Variants in DGKE observed in about 807,000 individuals in gnomAD.
DGKE encodes the protein diacylglycerol kinase epsilon, also known as DAG kinase epsilon.
In DGKE, 53 loss-of-function variants were observed where a neutral mutation model predicts 70.0. That is an observed-to-expected ratio of 0.76 (90% CI 0.61 to 0.95). The LOEUF (loss-of-function observed/expected upper bound fraction) is 0.95, where lower values mean the gene tolerates loss of function less well. Among genes scored for constraint, DGKE ranks in the 40% least tolerant of loss-of-function variants. DGKE has a pLI of 0.00. For missense variants in DGKE, 655 were observed against 706.9 expected, an observed-to-expected ratio of 0.93 and a Z score of 0.83; for synonymous variants, 291 against 257.0, an observed-to-expected ratio of 1.13 and a Z score of -1.27.
chr17:56,862,096 T>A, intron 10 of DGKE, 44 bp from the exon 11 acceptor site: 1 of 1,600,872 alleles, frequency 6.2e-7, no homozygotes, highest in Non-Finnish European at 8.6e-7. Flanking sequence ...ATAACTGATT[T>A]TTTATTGCAT....
chr17:56,835,808 A>C (rs1323785542), intron 2 of DGKE: 2 of 154,502 alleles, frequency 1.3e-5, no homozygotes, highest in South Asian at 2.1e-4. Flanking sequence ...TTGGTCTTTC[A>C]GGACATGTAG....
rs1908096729 is a variant in DGKE, at chr17:56,858,622, A to T, written c.1241A>T (p.Asp414Val). 1.2e-6 allele frequency: 2 copies of T among 1,607,546 alleles called. No homozygotes were observed. The highest frequency in any genetic ancestry group is 1.3e-5 in the African/African-American group (1 of 74,502). Residue 414 changes from aspartate (D) to valine (V), a missense_variant, in exon 9 of 12, where the codon GAT (aspartate) becomes GTT (valine). Asp to Val is a radical substitution (Grantham distance 152). Transcript: ENST00000284061. ...KAVYLFYGTK[D>V]CLVQECKDLN... ...GTTTACTTATTCTATGGAACCAAAGATTGTTTAGTGCAAGAATGTAAAGAT... is the reference window on the plus strand; with the variant it reads ...GTTTACTTATTCTATGGAACCAAAGTTTGTTTAGTGCAAGAATGTAAAGAT...
At position 56,868,736 on chromosome 17, in the gene DGKE, T is replaced by A. The variant is rs1024114333; in HGVS notation, c.*5945T>A. 1 of 152,274 alleles carries A rather than the reference T, an allele frequency of 6.6e-6. No individual in the cohort carries two copies. Among genetic ancestry groups the A allele is most frequent in the African/African-American group, 2.4e-5 (1 of 41,474 alleles). The allele number at this position is 152,274 out of a possible 1,614,324, so 9.4% of individuals were successfully genotyped here. A position where few individuals can be genotyped will look rare whatever the true frequency, so the allele number is the denominator to read the frequency against. The stretch of plus-strand genomic sequence containing the variant: ...GATACAATAAGCAGCTTTGACTTAG[T>A]GTCCCAAAAAGTGGTTCTTGGTCTA... On this transcript the variant is annotated 3_prime_UTR_variant, in exon 12 of 12. Transcript: ENST00000284061.
At position 56,848,915 on chromosome 17, in the gene DGKE, G is replaced by A; in HGVS notation, c.1046+62G>A. ...ATTTAGCCATAATTGGTTAACAAGTGAAGACTTGTGTAGATGAAATGTGCC... is the reference window on the plus strand; with the variant it reads ...ATTTAGCCATAATTGGTTAACAAGTAAAGACTTGTGTAGATGAAATGTGCC... On this transcript the variant is annotated intron_variant, in intron 6 of 11. Transcript: ENST00000284061. 6 of 1,592,830 alleles carry A rather than the reference G, an allele frequency of 3.8e-6. No homozygotes were observed. In the South Asian group the frequency reaches 5.5e-5, roughly 15 times the overall value.
At chr17:56,844,625 G>A (rs554180692) in intron 3 of DGKE, among the ~76,000 whole-genome samples, 1 of 152,080 alleles carries the variant, frequency 6.6e-6, no homozygotes, top group Non-Finnish European at 1.5e-5. Context: ...ATTATTGTCA[G>A]TGAAAAGAAA....
chr17:56,862,176 T>C lies in DGKE; in HGVS notation c.1449T>C (p.Tyr483=). ...GTCTGCTGGAAGTCGTTGGAGTATATGGGTCTTTCCACTGTGCTCAGATTC... is the reference window on the plus strand; with the variant it reads ...GTCTGCTGGAAGTCGTTGGAGTATACGGGTCTTTCCACTGTGCTCAGATTC... The part of the protein sequence containing the change: ...DDGLLEVVGV[Y]GSFHCAQIQV... Residue 483 remains tyrosine, a synonymous_variant, in exon 11 of 12, where the codon TAT becomes TAC. Coordinates refer to ENST00000284061, the MANE Select transcript of DGKE (RefSeq NM_003647.3). 1 of 1,614,190 alleles carries C rather than the reference T, an allele frequency of 6.2e-7. No individual in the cohort carries two copies.
At chr17:56,854,696 A>AT (rs905659697) in intron 7 of DGKE, among the ~76,000 whole-genome samples, 5 of 152,174 alleles carry the variant, frequency 3.3e-5, no homozygotes, top group Admixed American at 3.3e-4. Flanking sequence ...AAAATGATGT[A>AT]TTTCTCATTC....
At chr17:56,841,769 CTA>C (rs1454380419) in intron 2 of DGKE, among the ~76,000 whole-genome samples, 3 of 152,080 alleles carry the variant, frequency 2.0e-5, no homozygotes, top group East Asian at 1.9e-4. Context: ...CAAAAATAAA[CTA>C]AATGTCTTTT....
At chr17:56,858,535 T>C in intron 8 of DGKE, 59 bp from the exon 9 acceptor site, 1 of 1,402,482 alleles carries the variant, frequency 7.1e-7, no homozygotes, top group Admixed American at 2.2e-5. Context: ...GCGTATTTTT[T>C]CTTATTGTTT....
In DGKE at chr17:56,862,662, G is replaced by A; in HGVS notation, c.1575G>A (p.Trp525Ter). 6.3e-7 allele frequency: 1 copy of A among 1,592,020 alleles called. No homozygotes were observed. The highest frequency in any genetic ancestry group is 8.5e-7 in the Non-Finnish European group (1 of 1,173,844). ...MMPMQVDGEP[W>*]AQGPCTVTIT... ...CAATGCAGGTGGATGGGGAGCCTTGGGCCCAAGGGCCCTGCACTGTCACCA... is the reference window on the plus strand; with the variant it reads ...CAATGCAGGTGGATGGGGAGCCTTGAGCCCAAGGGCCCTGCACTGTCACCA... Residue 525 changes from tryptophan (W) to a stop codon, truncating the protein, a stop_gained, in exon 12 of 12, where the codon TGG becomes TGA. Transcript: ENST00000284061. LOFTEE classifies it high-confidence loss of function.
chr17:56,851,486 C>A (rs1907647493), intron 7 of DGKE, among the ~76,000 whole-genome samples: 1 of 152,154 alleles, frequency 6.6e-6, no homozygotes, highest in Non-Finnish European at 1.5e-5. Context: ...TAACACGTAC[C>A]AATATTTGAG....
At chr17:56,858,006 G>A (rs1318406701) in intron 8 of DGKE, among the ~76,000 whole-genome samples, 3 of 148,974 alleles carry the variant, frequency 2.0e-5, no homozygotes, top group Non-Finnish European at 4.4e-5. Flanking sequence ...CCAGGAGGCG[G>A]AGGTTGCAGT....
rs1158359067 is a variant in DGKE at position 56,866,613 on chromosome 17, G to A, written c.*3822G>A. 1 of 152,198 alleles carries A rather than the reference G, an allele frequency of 6.6e-6. No homozygotes were observed. Among genetic ancestry groups the A allele is most frequent in the Non-Finnish European group, 1.5e-5 (1 of 68,034 alleles). The allele number at this position is 152,198 out of a possible 1,614,324, so 9.4% of individuals were successfully genotyped here. The stretch of plus-strand genomic sequence containing the variant: ...AACTCTGTTACATAAAAATTGGTAT[G>A]ATTCATATGTGGAATCAGTTTTTGG... On this transcript the variant is annotated 3_prime_UTR_variant, in exon 12 of 12. Coordinates refer to ENST00000284061, the MANE Select transcript of DGKE (RefSeq NM_003647.3).
At chr17:56,862,003 A>T (rs1237414226) in intron 10 of DGKE, 85 bp downstream of exon 10, 5 of 1,538,128 alleles carry the variant, frequency 3.3e-6, no homozygotes, top group Non-Finnish European at 3.5e-6. Context: ...TTTTTCCTCA[A>T]ATTTTCTTTT....
intron 7 of DGKE, 54 bp downstream of exon 7, chr17:56,849,286 C>A (rs758760484): frequency 1.6e-5 from 24 of 1,511,060 alleles, no homozygotes; most frequent in Non-Finnish European, 2.1e-5. Flanking sequence ...GCACAAGATA[C>A]GGCACTCTGT....
At chr17:56,848,126 A>G in intron 5 of DGKE, 61 bp downstream of exon 5, 1 of 923,720 alleles carries the variant, frequency 1.1e-6, no homozygotes. Context: ...ATACATATAT[A>G]TATATATATG....
chr17:56,864,756 T>C lies in DGKE; in HGVS notation c.*1965T>C, dbSNP rs1269148084. 1 of 152,168 alleles carries C rather than the reference T, an allele frequency of 6.6e-6. No individual in the cohort carries two copies. Among genetic ancestry groups the C allele is most frequent in the African/African-American group, 2.4e-5 (1 of 41,446 alleles). 9.4% of individuals were successfully genotyped at this position (152,168 alleles called of 1,614,324 possible). On this transcript the variant is annotated 3_prime_UTR_variant, in exon 12 of 12. Transcript: ENST00000284061. ...GTTATATAATTCGTAGTGCTAATTGTAGTAGAAGCAAATCAATTTAGGATG... is the reference window on the plus strand; with the variant it reads ...GTTATATAATTCGTAGTGCTAATTGCAGTAGAAGCAAATCAATTTAGGATG...
Position 56,849,211 on chromosome 17 carries a change from C to G in DGKE, c.1077C>G (p.Tyr359Ter). The change falls in exon 7 of 12, where the codon TAC (tyrosine) becomes TAG (stop). Residue 359 changes from tyrosine (Y) to a stop codon, truncating the protein, a stop_gained. Transcript: ENST00000284061. LOFTEE classifies it high-confidence loss of function. ...RWKVQVTNKGYYNLRKPKEFT... is the reference protein window; with the variant it reads ...RWKVQVTNKG Reference sequence around the variant, plus strand: ...AAGTTCAAGTAACAAATAAAGGATACTACAACTTAAGAAAACCCAAGGTAT... The same window carrying G: ...AAGTTCAAGTAACAAATAAAGGATAGTACAACTTAAGAAAACCCAAGGTAT... 6.2e-7 allele frequency: 1 copy of G among 1,608,924 alleles called. No individual in the cohort carries two copies.
At position 56,848,752 on chromosome 17, in the gene DGKE, T is replaced by C; in HGVS notation, c.945T>C (p.Asp315=). Residue 315 remains aspartate, a synonymous_variant, in exon 6 of 12, where the codon GAT becomes GAC. Coordinates refer to ENST00000284061, the MANE Select transcript of DGKE (RefSeq NM_003647.3). ...TTTTGCCTCTGGGAACAGGCAACGATCTATCCAATACATTGGGTTGGGGTA... is the reference window on the plus strand; with the variant it reads ...TTTTGCCTCTGGGAACAGGCAACGACCTATCCAATACATTGGGTTGGGGTA... ...VAVLPLGTGN[D]LSNTLGWGTG... The C allele has an allele frequency of 6.2e-7, 1 of 1,614,040 alleles. No individual in the cohort carries two copies. The highest frequency in any genetic ancestry group is 1.6e-4 in the Middle Eastern group (1 of 6,062).
Sources: allele counts gnomAD v4.1 joint callset (sites outside exome capture counted in the v4.1 genomes callset), GRCh38; gene constraint gnomAD v4.1.1; transcripts MANE v1.5; gene names NCBI Gene and HGNC (gene_info 2026-07-23, HGNC 2026-07-21).